ATG4D: variants seen among roughly 807,000 people sequenced by gnomAD.
ATG4D encodes autophagy related 4D cysteine peptidase.
A neutral mutation model predicts 55.2 loss-of-function variants in ATG4D; 51 were observed. The observed-to-expected ratio is 0.92, with a 90% CI of 0.74 to 1.17. The LOEUF is 1.17. Ranked by LOEUF, ATG4D falls within the 50% of genes most tolerant of loss-of-function variation. ATG4D has a pLI of 0.00. For missense variants in ATG4D, 635 were observed against 649.6 expected (o/e 0.98, Z 0.25); for synonymous variants, 268 against 266.2 (o/e 1.01, Z -0.07).
intron 1 of ATG4D, 113 bp from the exon 2 acceptor site, chr19:10,544,670 A>G (rs1394087004): frequency 1.1e-5 from 17 of 1,529,476 alleles, no homozygotes; most frequent in Non-Finnish European, 1.5e-5. Flanking sequence ...CCCCGGAGCC[A>G]CCCCGGAGAT....
intron 5 of ATG4D, among the ~76,000 whole-genome samples, 153 bp from the exon 6 acceptor site, chr19:10,548,751 T>C (rs1270023756): frequency 6.6e-6 from 1 of 152,002 alleles, no homozygotes; most frequent in African/African-American, 2.4e-5. Flanking sequence ...TCTGGGGGTG[T>C]TTGGGGGGCA....
intron 1 of ATG4D, 142 bp from the exon 2 acceptor site, chr19:10,544,641 G>A (rs998168926): frequency 6.8e-7 from 1 of 1,465,262 alleles, no homozygotes; most frequent in Non-Finnish European, 9.0e-7. Flanking sequence ...GTCACTGGGG[G>A]CCCCACCTCC....
intron 5 of ATG4D, among the ~76,000 whole-genome samples, chr19:10,547,626 GAAAAAAAAAAA>G (rs778363094): frequency 4.1e-5 from 2 of 49,244 alleles, no homozygotes; most frequent in African/African-American, 7.5e-5. Flanking sequence ...GGATCCTGTC[GAAAAAAAAAAA>G]AAAAAAAAAA....
At chr19:10,546,522 ATT>A (rs991719441) in intron 3 of ATG4D, among the ~76,000 whole-genome samples, 2 of 142,946 alleles carry the variant, frequency 1.4e-5, no homozygotes, top group Admixed American at 7.0e-5. Context: ...CTTTTTGTAT[ATT>A]TTTTTTTTTA....
intron 6 of ATG4D, among the ~76,000 whole-genome samples, 178 bp from the exon 7 acceptor site, chr19:10,551,719 A>AT (rs1916243326): frequency 6.8e-6 from 1 of 147,394 alleles, no homozygotes; most frequent in African/African-American, 2.5e-5. Context: ...AAAAAAAAAA[A>AT]TTCATGTAAT....
chr19:10,548,821 A>G, intron 5 of ATG4D, 83 bp from the exon 6 acceptor site: 1 of 1,538,756 alleles, frequency 6.5e-7, no homozygotes, highest in South Asian at 1.2e-5. Flanking sequence ...TGCACGGTTG[A>G]GGTTGAGCCC....
Position 10,552,043 on chromosome 19 carries a change from A to G in ATG4D, c.1046-2A>G. The G allele has an allele frequency of 1.3e-6, 2 of 1,499,710 alleles. No homozygotes were observed. Among genetic ancestry groups the G allele is most frequent in the East Asian group, 2.9e-5 (1 of 34,504 alleles). 92.9% of individuals were successfully genotyped at this position (1,499,710 alleles called of 1,614,324 possible). ...CCCCACTCACACCTGCACCCCCTGC[A>G]GATGACTTCCTGCTGTACCTGGACC... On this transcript the variant is annotated splice_acceptor_variant, in intron 7 of 9. Coordinates refer to ENST00000309469, the MANE Select transcript of ATG4D (RefSeq NM_032885.6). LOFTEE classifies it high-confidence loss of function.
chr19:10,551,984 A>G lies in ATG4D; in HGVS notation c.1045+9A>G. The G allele has an allele frequency of 7.9e-7, 1 of 1,261,650 alleles. No homozygotes were observed. Among genetic ancestry groups the G allele is most frequent in the South Asian group, 1.2e-5 (1 of 81,718 alleles). The allele number at this position is 1,261,650 out of a possible 1,614,324, so 78.2% of individuals were successfully genotyped here. A position where few individuals can be genotyped will look rare whatever the true frequency, so the allele number is the denominator to read the frequency against. ...CTTCATTGGCTACCAAGGTAGGCCC[A>G]CCCCCTCCTCACTCCTCCCACCCCC... On this transcript the variant is annotated intron_variant, in intron 7 of 9. Coordinates refer to ENST00000309469, the MANE Select transcript of ATG4D (RefSeq NM_032885.6).
rs370455769 is a variant in ATG4D at position 10,544,220 on chromosome 19, G to C, written c.130G>C (p.Ala44Pro). 1,601 of 1,254,246 alleles carry C rather than the reference G, an allele frequency of 1.3e-3. 1 individual carries two copies. Among genetic ancestry groups the C allele is most frequent in the Non-Finnish European group, 1.6e-3 (1,556 of 991,348 alleles). 77.7% of individuals were successfully genotyped at this position (1,254,246 alleles called of 1,614,324 possible). Residue 44 changes from alanine to proline, a missense_variant, in exon 1 of 10, where the codon GCC becomes CCC. Ala to Pro is a conservative substitution (Grantham distance 27). Coordinates refer to ENST00000309469, the MANE Select transcript of ATG4D (RefSeq NM_032885.6). ...PDPNGLGPSG[A>P]SGPALGSPGA... is the part of the protein sequence containing the mutation. ...CCCCAACGGCCTGGGGCCTTCCGGA[G>C]CCAGCGGCCCCGCTCTTGGCTCTCC...
At position 10,551,451 on chromosome 19, in the gene ATG4D, T is replaced by C. The variant is rs188029852; in HGVS notation, c.967-446T>C. ...CACTCCAGCCTGTAATCCCAGCACT[T>C]TAGGAGGCCGAGACGGGCAGATCAC... On this transcript the variant is annotated intron_variant, in intron 6 of 9. Coordinates refer to ENST00000309469, the MANE Select transcript of ATG4D (RefSeq NM_032885.6). Among the ~76,000 whole-genome samples, 8 of 150,042 alleles carry C rather than the reference T, an allele frequency of 5.3e-5. No homozygotes were observed. In the East Asian group the frequency reaches 1.6e-3, roughly 30 times the overall value.
In ATG4D at chr19:10,544,137, C is replaced by T. The variant is rs1399421370; in HGVS notation, c.47C>T (p.Pro16Leu). ...GCCGCGCAGTACCGGAGCAGCAGCC[C>T]GGAGGACGCGCGCCGCCGGCCCGAG... ...PAAAQYRSSS[P>L]EDARRRPEAR... The change falls in exon 1 of 10, where the codon CCG becomes CTG. Residue 16 changes from proline (P) to leucine (L), a missense_variant. By Grantham distance (98) the Pro-to-Leu change is moderately conservative. Transcript: ENST00000309469. 1.6e-6 allele frequency: 2 copies of T among 1,243,704 alleles called. No individual in the cohort carries two copies. Among genetic ancestry groups the T allele is most frequent in the Non-Finnish European group, 2.0e-6 (2 of 986,718 alleles). The allele number at this position is 1,243,704 out of a possible 1,614,324, so 77.0% of individuals were successfully genotyped here. A position where few individuals can be genotyped will look rare whatever the true frequency, so the allele number is the denominator to read the frequency against.
In ATG4D at chr19:10,544,336, G is replaced by A; in HGVS notation, c.235+11G>A. On this transcript the variant is annotated intron_variant, in intron 1 of 9. Transcript: ENST00000309469. ...ACAACGTCAAGTACGGTGAGGAGGGGGCCCGGAGATCGTGGGGGTGTCGGG... is the reference window on the plus strand; with the variant it reads ...ACAACGTCAAGTACGGTGAGGAGGGAGCCCGGAGATCGTGGGGGTGTCGGG... The A allele has an allele frequency of 1.5e-6, 2 of 1,315,340 alleles. No individual in the cohort carries two copies. Among genetic ancestry groups the A allele is most frequent in the Non-Finnish European group, 2.0e-6 (2 of 1,024,212 alleles). The allele number at this position is 1,315,340 out of a possible 1,614,324, so 81.5% of individuals were successfully genotyped here. A position where few individuals can be genotyped will look rare whatever the true frequency, so the allele number is the denominator to read the frequency against.
intron 3 of ATG4D, among the ~76,000 whole-genome samples, chr19:10,546,550 C>T (rs1916034804): frequency 6.6e-6 from 1 of 151,484 alleles, no homozygotes; most frequent in Admixed American, 6.6e-5. Context: ...GAAGGGGTTT[C>T]ACCATGTTGG....
chr19:10,548,135 AT>A (rs947936165), intron 5 of ATG4D, among the ~76,000 whole-genome samples: 6 of 140,042 alleles, frequency 4.3e-5, no homozygotes, highest in African/African-American at 1.6e-4. Flanking sequence ...AGTTCGAGTG[AT>A]TCTCCTGCCT....
rs1916059358 is a variant in ATG4D, at chr19:10,547,071, G to A, written c.726G>A (p.Lys242=). The change falls in exon 4 of 10, where the codon AAG becomes AAA. Residue 242 remains lysine (K), a synonymous_variant. Coordinates refer to ENST00000309469, the MANE Select transcript of ATG4D (RefSeq NM_032885.6). ...LVELGQSSGK[K]AGDWYGPSLV... ...AGCTTGGGCAGAGCTCAGGCAAGAA[G>A]GCAGGTGACTGGTATGGGCCATCGC... 1 of 1,593,878 alleles carries A rather than the reference G, an allele frequency of 6.3e-7. No homozygotes were observed. Among genetic ancestry groups the A allele is most frequent in the Non-Finnish European group, 8.5e-7 (1 of 1,171,870 alleles).
In ATG4D at chr19:10,544,043, G is replaced by A; in HGVS notation, c.-48G>A. On this transcript the variant is annotated 5_prime_UTR_variant, in exon 1 of 10. Coordinates refer to ENST00000309469, the MANE Select transcript of ATG4D (RefSeq NM_032885.6). Reference sequence around the variant, plus strand: ...CTGCGGGTCGCCCTTGGGGGGCAGCGGCCGCAGCCCCCCACCTGGGCCCTC... The same window carrying A: ...CTGCGGGTCGCCCTTGGGGGGCAGCAGCCGCAGCCCCCCACCTGGGCCCTC... The A allele has an allele frequency of 1.7e-6, 2 of 1,203,908 alleles. No homozygotes were observed. Among genetic ancestry groups the A allele is most frequent in the Non-Finnish European group, 2.1e-6 (2 of 962,764 alleles). The allele number at this position is 1,203,908 out of a possible 1,614,324, so 74.6% of individuals were successfully genotyped here.
intron 6 of ATG4D, among the ~76,000 whole-genome samples, chr19:10,549,919 C>T (rs1599521329): frequency 6.6e-6 from 1 of 152,308 alleles, no homozygotes; most frequent in East Asian, 1.9e-4. Flanking sequence ...GGCACAGTGG[C>T]TCAGGCCTAT....
Position 10,553,085 on chromosome 19 carries a change from A to G in ATG4D, c.*18A>G. 1 of 1,585,878 alleles carries G rather than the reference A, an allele frequency of 6.3e-7. No individual in the cohort carries two copies. Among genetic ancestry groups the G allele is most frequent in the Non-Finnish European group, 8.6e-7 (1 of 1,167,868 alleles). On this transcript the variant is annotated 3_prime_UTR_variant, in exon 10 of 10. Coordinates refer to ENST00000309469, the MANE Select transcript of ATG4D (RefSeq NM_032885.6). Reference sequence around the variant, plus strand: ...TTTTATAAAGGGAGGGGATGAGGGGAAAGATACAACACTATTTATTTTTTT... The same window carrying G: ...TTTTATAAAGGGAGGGGATGAGGGGGAAGATACAACACTATTTATTTTTTT...
Position 10,546,979 on chromosome 19 carries a change from C to T in ATG4D, c.634C>T (p.His212Tyr). 5 of 1,604,516 alleles carry T rather than the reference C, an allele frequency of 3.1e-6. No individual in the cohort carries two copies. Among genetic ancestry groups the T allele is most frequent in the Non-Finnish European group, 4.3e-6 (5 of 1,176,038 alleles). The change falls in exon 4 of 10, where the codon CAC becomes TAC. Residue 212 changes from histidine to tyrosine, a missense_variant. Physicochemically the swap from His to Tyr is moderately conservative, Grantham distance 83. Coordinates refer to ENST00000309469, the MANE Select transcript of ATG4D (RefSeq NM_032885.6). ...CCCTGAGCTGGAGCAGGAACGCCGG[C>T]ACCGGCAGATTGTGTCCTGGTTCGC... ...GAPELEQERRHRQIVSWFADH... is the reference protein window; with the variant it reads ...GAPELEQERRYRQIVSWFADH...
Sources: allele counts gnomAD v4.1 joint callset (sites outside exome capture counted in the v4.1 genomes callset), GRCh38; gene constraint gnomAD v4.1.1; transcripts MANE v1.5; gene names NCBI Gene and HGNC (gene_info 2026-07-23, HGNC 2026-07-21).